ARHGAP32: variants seen among roughly 807,000 people sequenced by gnomAD.
ARHGAP32 encodes the protein Rho GTPase activating protein 32, also known as rho GTPase-activating protein 32.
A neutral mutation model predicts 186.5 loss-of-function variants in ARHGAP32; 51 were observed. That is an observed-to-expected ratio of 0.27 (90% CI 0.22 to 0.35). The LOEUF is 0.35. Among genes scored for constraint, ARHGAP32 ranks in the 10% least tolerant of loss-of-function variants. The pLI is 1.00. For synonymous variants in ARHGAP32, 950 were observed against 964.3 expected (o/e 0.99, Z 0.27); for missense variants, 2,186 against 2,623.5 (o/e 0.83, Z 3.64).
intron 2 of ARHGAP32, among the ~76,000 whole-genome samples, chr11:129,162,223 A>G (rs1328068062): frequency 6.6e-6 from 1 of 152,092 alleles, no homozygotes; most frequent in Non-Finnish European, 1.5e-5. Context: ...GCAGCAAACC[A>G]CCATGGCACA....
intron 11 of ARHGAP32, among the ~76,000 whole-genome samples, chr11:129,005,680 T>G (rs1396900168): frequency 6.6e-6 from 1 of 152,202 alleles, no homozygotes; most frequent in Non-Finnish European, 1.5e-5. Context: ...TATCCTTTCT[T>G]TATCCTTGAC....
chr11:129,173,981 C>T (rs980804033), intron 1 of ARHGAP32, among the ~76,000 whole-genome samples: 2 of 152,222 alleles, frequency 1.3e-5, no homozygotes, highest in Non-Finnish European at 2.9e-5. Flanking sequence ...CAGCTCCCAG[C>T]GTGAGCGACG....
intron 5 of ARHGAP32, among the ~76,000 whole-genome samples, chr11:129,109,531 A>G (rs1204970997): frequency 6.6e-6 from 1 of 152,098 alleles, no homozygotes; most frequent in Non-Finnish European, 1.5e-5. Context: ...ACTCATTTAT[A>G]TTCCTGACAA....
intron 1 of ARHGAP32, among the ~76,000 whole-genome samples, chr11:129,219,741 A>G (rs1944689466): frequency 2.0e-5 from 3 of 152,138 alleles, no homozygotes; most frequent in Non-Finnish European, 2.9e-5. Context: ...ACGCTTTCAC[A>G]AGAGCACTTT....
intron 6 of ARHGAP32, among the ~76,000 whole-genome samples, chr11:129,080,543 C>A (rs1024223182): frequency 3.3e-5 from 5 of 152,034 alleles, no homozygotes; most frequent in Non-Finnish European, 7.4e-5. Flanking sequence ...TTTAAAAATT[C>A]TTTGAACTGA....
At chr11:129,240,580 T>C (rs561591256) in intron 1 of ARHGAP32, among the ~76,000 whole-genome samples, 2 of 152,200 alleles carry the variant, frequency 1.3e-5, no homozygotes, top group Non-Finnish European at 2.9e-5. Context: ...TGAATTACTC[T>C]TGCGGGCCAA....
In ARHGAP32 at chr11:129,124,907, A is replaced by G. The variant is rs943929798; in HGVS notation, c.226-13T>C. The G allele has an allele frequency of 1.5e-5, 24 of 1,592,118 alleles. No homozygotes were observed. Among genetic ancestry groups the G allele is most frequent in the Non-Finnish European group, 2.0e-5 (23 of 1,167,986 alleles). On this transcript the variant is annotated splice_polypyrimidine_tract_variant and intron_variant, in intron 2 of 22. Coordinates refer to ENST00000682385, the MANE Select transcript of ARHGAP32 (RefSeq NM_001378024.1). ...CTGCGCCTCTTGCCTTAAAAAATAA[A>G]GACAAAATATTTATGGCTATTACTT... is the stretch of plus-strand genomic sequence containing the variant.
chr11:128,996,010 T>C (rs562383418), intron 12 of ARHGAP32, among the ~76,000 whole-genome samples: 26 of 152,326 alleles, frequency 1.7e-4, no homozygotes, highest in Middle Eastern at 3.4e-3. Context: ...ATGTCAAATG[T>C]TTTCCAAAAA....
At chr11:129,004,310 A>G (rs1013136196) in intron 11 of ARHGAP32, among the ~76,000 whole-genome samples, 27 of 137,802 alleles carry the variant, frequency 2.0e-4, no homozygotes, top group Admixed American at 4.1e-4. Flanking sequence ...TCTATCCTTG[A>G]GAATAATCCA....
rs903608049 is a variant in ARHGAP32, at chr11:129,074,713, C to T, written c.532-7845G>A. ...TTCACCATGTTAGCCAGGATGGTCT[C>T]GATCTCCTGACCACATGATCCGCTC... On this transcript the variant is annotated intron_variant, in intron 6 of 22. Coordinates refer to ENST00000682385, the MANE Select transcript of ARHGAP32 (RefSeq NM_001378024.1). Among the ~76,000 whole-genome samples the T allele has an allele frequency of 4.6e-5, 7 of 152,022 alleles. 1 individual carries two copies. The highest frequency in any genetic ancestry group is 9.7e-5 in the African/African-American group (4 of 41,390).
At chr11:129,099,443 T>G (rs1941828261) in intron 5 of ARHGAP32, among the ~76,000 whole-genome samples, 1 of 152,216 alleles carries the variant, frequency 6.6e-6, no homozygotes, top group African/African-American at 2.4e-5. Context: ...ATACCTATTC[T>G]AAGTATGTTT....
intron 5 of ARHGAP32, among the ~76,000 whole-genome samples, chr11:129,114,784 G>T (rs1208799485): frequency 6.6e-6 from 1 of 152,038 alleles, no homozygotes; most frequent in East Asian, 1.9e-4. Context: ...TCTATCTTTG[G>T]AGTTATTTTT....
chr11:129,195,113 T>C (rs2135565807), upstream of ARHGAP32, among the ~76,000 whole-genome samples: 1 of 152,052 alleles, frequency 6.6e-6, no homozygotes, highest in Non-Finnish European at 1.5e-5. Flanking sequence ...GGATTATAAG[T>C]GTGTGCCACG....
At chr11:129,206,020 C>T (rs1716217075) in intron 1 of ARHGAP32, among the ~76,000 whole-genome samples, 1 of 152,040 alleles carries the variant, frequency 6.6e-6, no homozygotes, top group Non-Finnish European at 1.5e-5. Flanking sequence ...ACTCCCCACC[C>T]CCATCTGACT....
At chr11:129,063,768 G>GA in intron 9 of ARHGAP32, 134 bp downstream of exon 9, 1 of 1,033,502 alleles carries the variant, frequency 9.7e-7, no homozygotes, top group South Asian at 2.2e-5. Context: ...ATTACAGGCT[G>GA]AAATATAAAA....
intron 12 of ARHGAP32, 27 bp from the exon 13 acceptor site, chr11:128,988,152 T>G: frequency 6.4e-7 from 1 of 1,567,542 alleles, no homozygotes; most frequent in South Asian, 1.1e-5. Flanking sequence ...AAGAAACAGA[T>G]GAAATTGTAG....
chr11:129,249,037 G>A (rs984705111), intron 1 of ARHGAP32, among the ~76,000 whole-genome samples: 1 of 152,138 alleles, frequency 6.6e-6, no homozygotes, highest in Non-Finnish European at 1.5e-5. Flanking sequence ...AACAAATGGT[G>A]CAAATGGTAA....
intron 6 of ARHGAP32, among the ~76,000 whole-genome samples, chr11:129,068,978 T>C (rs1048727783): frequency 1.3e-5 from 2 of 152,046 alleles, no homozygotes; most frequent in Non-Finnish European, 2.9e-5. Context: ...AGTATGAAAA[T>C]AAGTATCCAA....
At chr11:129,270,527 G>GA (rs1229632618) in intron 1 of ARHGAP32, among the ~76,000 whole-genome samples, 1 of 151,296 alleles carries the variant, frequency 6.6e-6, no homozygotes, top group African/African-American at 2.4e-5. Context: ...GAACAAGTGG[G>GA]AAAAATGAGT....
Sources: allele counts gnomAD v4.1 joint callset (sites outside exome capture counted in the v4.1 genomes callset), GRCh38; gene constraint gnomAD v4.1.1; transcripts MANE v1.5; gene names NCBI Gene and HGNC (gene_info 2026-07-23, HGNC 2026-07-21).